Variants in ANKRD11 observed in about 807,000 individuals in gnomAD.
ANKRD11 encodes ankyrin repeat domain 11, also known as ankyrin repeat domain-containing protein 11.
ANKRD11 carries 17 observed loss-of-function variants against 195.7 expected under a neutral mutation model. That is an observed-to-expected ratio of 0.09 (90% CI 0.06 to 0.13). The LOEUF is 0.13. Among genes scored for constraint, ANKRD11 ranks in the 10% least tolerant of loss-of-function variants. The pLI, the probability that ANKRD11 is intolerant of heterozygous loss-of-function variation, is 1.00. For missense variants in ANKRD11, 3,735 were observed against 3,566.1 expected (o/e 1.05, Z -1.21); for synonymous variants, 1,953 against 1,528.1 (o/e 1.28, Z -6.49).
At chr16:89,376,911 T>G (rs777314532) in intron 2 of ANKRD11, among the ~76,000 whole-genome samples, 1 of 152,196 alleles carries the variant, frequency 6.6e-6, no homozygotes, top group Admixed American at 6.5e-5. Flanking sequence ...AAGGACTGCC[T>G]TTATCTATAA....
Position 89,285,305 on chromosome 16 carries a change from C to T in ANKRD11, c.1237G>A (p.Glu413Lys), listed in dbSNP as rs1413482462. 3 of 1,613,854 alleles carry T rather than the reference C, an allele frequency of 1.9e-6. No homozygotes were observed. The highest frequency in any genetic ancestry group is 2.5e-6 in the Non-Finnish European group (3 of 1,180,054). ...CCCACGGTGACACTCGCGTCCTCCTCGTCCGACGTGTCTGACAGGATACGA... is the reference window on the plus strand; with the variant it reads ...CCCACGGTGACACTCGCGTCCTCCTTGTCCGACGTGTCTGACAGGATACGA... ...SHRILSDTSD[E>K]EDASVTVGTG... Residue 413 changes from glutamate (E) to lysine (K), a missense_variant, in exon 9 of 13, where the codon GAG becomes AAG. Glu to Lys is a moderately conservative substitution (Grantham distance 56). Transcript: ENST00000301030. The surrounding 1 kb of genome is among the most constrained non-coding windows in gnomAD (Gnocchi z 5.6).
rs71134215 is a variant in ANKRD11, at chr16:89,388,293, ATT to A, written c.-60+29989_-60+29990del. 7.7e-3 allele frequency among the ~76,000 whole-genome samples: 660 copies of A among 85,266 alleles called. 8 individuals are homozygous for A. The highest frequency in any genetic ancestry group is 0.026 in the African/African-American group (614 of 23,334). The allele number at this position is 85,266 out of a possible 152,430, so 55.9% of individuals were successfully genotyped here. A position where few individuals can be genotyped will look rare whatever the true frequency, so the allele number is the denominator to read the frequency against. On this transcript the variant is annotated intron_variant, in intron 2 of 12. Transcript: ENST00000301030. ...GTGCTCTCTTCTCTCCATGAGGCTG[ATT>A]TTTTTTTTTTTTTTTTTTTTGAGAC...
intron 1 of ANKRD11, among the ~76,000 whole-genome samples, chr16:89,430,655 G>A (rs2042939139): frequency 6.6e-6 from 1 of 152,250 alleles, no homozygotes; most frequent in African/African-American, 2.4e-5. Context: ...ATGAATGGCT[G>A]ATTGGCAGGC....
intron 11 of ANKRD11, chr16:89,271,752 G>C (rs2151681734): frequency 6.6e-6 from 1 of 152,316 alleles, no homozygotes; most frequent in Non-Finnish European, 1.5e-5. Context: ...AACCAAAATG[G>C]ATCAAAGTCT....
Position 89,282,080 on chromosome 16 carries a change from G to C in ANKRD11, c.4462C>G (p.His1488Asp). 2 of 1,613,832 alleles carry C rather than the reference G, an allele frequency of 1.2e-6. No individual in the cohort carries two copies. The highest frequency in any genetic ancestry group is 1.7e-6 in the Non-Finnish European group (2 of 1,179,974). ...TGATGCCGCAGGAGCTCGTCCCTGT[G>C]ATGCCGCAGCAGCCCATCCGCATGC... Reference protein sequence around the residue: ...DRHADGLLRHHRDELLRHHRD... With the variant: ...DRHADGLLRHDRDELLRHHRD... Residue 1488 changes from histidine (H) to aspartate (D), a missense_variant, in exon 9 of 13, where the codon CAC becomes GAC. Physicochemically the swap from His to Asp is moderately conservative, Grantham distance 81 (BLOSUM62 -1). Coordinates refer to ENST00000301030, the MANE Select transcript of ANKRD11 (RefSeq NM_013275.6).
intron 2 of ANKRD11, among the ~76,000 whole-genome samples, chr16:89,375,468 T>C (rs1482073594): frequency 1.1e-4 from 16 of 152,132 alleles, no homozygotes; most frequent in African/African-American, 3.6e-4. Context: ...CTATCTCTTT[T>C]TTTTTTTGGA....
At chr16:89,400,842 G>C (rs1033027888) in intron 2 of ANKRD11, among the ~76,000 whole-genome samples, 1 of 152,036 alleles carries the variant, frequency 6.6e-6, no homozygotes, top group East Asian at 1.9e-4. Context: ...GTCATCTGAC[G>C]GGAACCCCTG....
intron 4 of ANKRD11, among the ~76,000 whole-genome samples, chr16:89,295,783 G>C (rs967273849): frequency 7.2e-6 from 1 of 139,856 alleles, no homozygotes; most frequent in Non-Finnish European, 1.6e-5. Flanking sequence ...GGATCGGAGC[G>C]GGGGCTGTGA....
In ANKRD11 at chr16:89,280,958, C is replaced by A. The variant is rs1393525898; in HGVS notation, c.5584G>T (p.Val1862Phe). 4 of 1,573,620 alleles carry A rather than the reference C, an allele frequency of 2.5e-6. No individual in the cohort carries two copies. In the South Asian group the frequency reaches 4.7e-5, roughly 18 times the overall value. The change falls in exon 9 of 13, where the codon GTC becomes TTC. Residue 1862 changes from valine to phenylalanine, a missense_variant. Physicochemically the swap from Val to Phe is conservative, Grantham distance 50 (BLOSUM62 -1). Coordinates refer to ENST00000301030, the MANE Select transcript of ANKRD11 (RefSeq NM_013275.6). Reference protein sequence around the residue: ...SPDYGLPSPKVDALHCPPAAV... With the variant: ...SPDYGLPSPKFDALHCPPAAV... ...GCCGGTGGGCAGTGCAAAGCGTCGA[C>A]TTTGGGCGACGGGAGGCCATAGTCT... is the stretch of plus-strand genomic sequence containing the variant.
intron 1 of ANKRD11, chr16:89,431,246 C>T (rs1362183060): frequency 1.3e-5 from 2 of 152,454 alleles, no homozygotes; most frequent in Non-Finnish European, 2.9e-5. Context: ...TGGACAACAT[C>T]TTTACCCACA....
chr16:89,366,489 T>G lies in ANKRD11; in HGVS notation c.-59-49411A>C, dbSNP rs80247928. ...TTTAATCCACAGACTCGCCAGCATC[T>G]GTTATTTTTTAACCTTTTCGTAACA... On this transcript the variant is annotated intron_variant, in intron 2 of 12. Transcript: ENST00000301030. 7.7e-3 allele frequency among the ~76,000 whole-genome samples: 1,180 copies of G among 152,328 alleles called. 13 individuals carry two copies. Among genetic ancestry groups the G allele is most frequent in the African/African-American group, 0.027 (1,128 of 41,570 alleles).
Position 89,283,415 on chromosome 16 carries a change from G to A in ANKRD11, c.3127C>T (p.Leu1043=), listed in dbSNP as rs1261967882. 2 of 1,613,892 alleles carry A rather than the reference G, an allele frequency of 1.2e-6. No homozygotes were observed. The highest frequency in any genetic ancestry group is 2.7e-5 in the African/African-American group (2 of 74,894). ...TCTTTGTCCTTCTGACATTTTTCCAGGATTGATTTCTCACTTTTGTCCTTG... is the reference window on the plus strand; with the variant it reads ...TCTTTGTCCTTCTGACATTTTTCCAAGATTGATTTCTCACTTTTGTCCTTG... ...SDKDKSEKSI[L]EKCQKDKEFD... is the part of the protein sequence containing the mutation. The change falls in exon 9 of 13, where the codon CTG becomes TTG. Residue 1043 remains leucine (L), a synonymous_variant. Coordinates refer to ENST00000301030, the MANE Select transcript of ANKRD11 (RefSeq NM_013275.6). This position sits in a 1 kb window ranked among gnomAD's most constrained non-coding sequence, Gnocchi z 4.3.
rs775708950 is a variant in ANKRD11, at chr16:89,279,546, G to A, written c.6996C>T (p.Ile2332=). ...CCCGGTTCCTGGTCATGCGCTGAGG[G>A]ATCTCCTCCACTCGGGGGGCCTTCG... is the stretch of plus-strand genomic sequence containing the variant. The part of the protein sequence containing the change: ...EAPKAPRVEE[I]PQRMTRNRAQ... The change falls in exon 9 of 13, where the codon ATC becomes ATT. Residue 2332 remains isoleucine, a synonymous_variant. Transcript: ENST00000301030. The surrounding 1 kb of genome is among the most constrained non-coding windows in gnomAD (Gnocchi z 5.6). 2.1e-6 allele frequency: 3 copies of A among 1,409,838 alleles called. No individual in the cohort carries two copies. The highest frequency in any genetic ancestry group is 2.1e-5 in the Admixed American group (1 of 48,244). The allele number at this position is 1,409,838 out of a possible 1,614,324, so 87.3% of individuals were successfully genotyped here.
At chr16:89,470,212 C>A (rs145446010) in intron 1 of ANKRD11, among the ~76,000 whole-genome samples, 3 of 151,960 alleles carry the variant, frequency 2.0e-5, no homozygotes, top group African/African-American at 7.3e-5. Context: ...ATAATGTCAC[C>A]GGCCTATAAT....
intron 4 of ANKRD11, among the ~76,000 whole-genome samples, chr16:89,294,947 C>G (rs1035305932): frequency 6.6e-6 from 1 of 152,244 alleles, no homozygotes; most frequent in African/African-American, 2.4e-5. Flanking sequence ...TCTGGAGCTA[C>G]CCCTAGGACA....
chr16:89,478,075 A>C (rs2057316532), intron 1 of ANKRD11, among the ~76,000 whole-genome samples: 2 of 152,250 alleles, frequency 1.3e-5, no homozygotes, highest in Admixed American at 1.3e-4. Context: ...AAGAAAAATA[A>C]AACAATGGCT....
chr16:89,287,969 C>A, intron 7 of ANKRD11: 4 of 470,658 alleles, frequency 8.5e-6, no homozygotes, highest in South Asian at 1.0e-4. Context: ...GCCGCATCTC[C>A]AGGCAGCACC....
intron 10 of ANKRD11, 22 bp downstream of exon 10, chr16:89,275,071 C>T (rs767743130): frequency 6.2e-6 from 10 of 1,612,474 alleles, no homozygotes; most frequent in East Asian, 2.2e-5. Flanking sequence ...TGGCGCCCCC[C>T]TGCCTGTGCC....
At chr16:89,355,012 A>T (rs2039403848) in intron 2 of ANKRD11, among the ~76,000 whole-genome samples, 1 of 152,220 alleles carries the variant, frequency 6.6e-6, no homozygotes, top group South Asian at 2.1e-4. Flanking sequence ...TCACATGCTG[A>T]AGACCCACCA....
Sources: allele counts gnomAD v4.1 joint callset (sites outside exome capture counted in the v4.1 genomes callset), GRCh38; gene constraint gnomAD v4.1.1; non-coding constraint Gnocchi (gnomAD v3.1); transcripts MANE v1.5; gene names NCBI Gene and HGNC (gene_info 2026-07-23, HGNC 2026-07-21).